KLHL4: variants seen among roughly 807,000 people sequenced by gnomAD.
KLHL4 encodes kelch like family member 4, also known as kelch-like protein 4.
KLHL4 carries 17 observed loss-of-function variants against 45.8 expected under a neutral mutation model. That is an observed-to-expected ratio of 0.37 (90% CI 0.25 to 0.56). KLHL4 has a LOEUF of 0.56. Ranked by LOEUF, KLHL4 falls within the 20% of genes least tolerant of loss-of-function variation. The pLI, the probability that KLHL4 is intolerant of heterozygous loss-of-function variation, is 0.79. For missense variants in KLHL4, 544 were observed against 544.9 expected, an observed-to-expected ratio of 1.00 and a Z score of 0.02; for synonymous variants, 224 against 189.9, an observed-to-expected ratio of 1.18 and a Z score of -1.47.
chrX:87,659,250 G>T (rs1195526892), intron 9 of KLHL4, among the ~76,000 whole-genome samples: 2 of 101,491 alleles, frequency 2.0e-5, no homozygotes, highest in Non-Finnish European at 4.0e-5. Flanking sequence ...CTCCTGAGTA[G>T]CTGGGACTAC....
chrX:87,527,637 C>T lies in KLHL4; in HGVS notation c.422+9322C>T, dbSNP rs1931138554. On this transcript the variant is annotated intron_variant, in intron 1 of 10. Coordinates refer to ENST00000373119, the MANE Select transcript of KLHL4 (RefSeq NM_019117.5). ...TTCCAACCCCCTGGAGAGCTTTCCACCCCCACACATCCAGCATAAAAACCA... is the reference window on the plus strand; with the variant it reads ...TTCCAACCCCCTGGAGAGCTTTCCATCCCCACACATCCAGCATAAAAACCA... Among the ~76,000 whole-genome samples the T allele has an allele frequency of 5.5e-5, 6 of 109,962 alleles. No individual in the cohort carries two copies. The South Asian group carries it at 2.4e-3, about 43-fold the overall frequency.
intron 1 of KLHL4, among the ~76,000 whole-genome samples, chrX:87,542,023 G>C (rs1479636487): frequency 9.8e-5 from 11 of 112,063 alleles, no homozygotes; most frequent in Non-Finnish European, 2.1e-4. Context: ...GCATTTTGCT[G>C]TTGCCCTAGA....
intron 1 of KLHL4, among the ~76,000 whole-genome samples, chrX:87,542,968 A>T (rs1931595057): frequency 9.0e-6 from 1 of 111,287 alleles, no homozygotes; most frequent in Admixed American, 9.6e-5. Context: ...GTGGGAGGTG[A>T]CTTGATCATG....
At chrX:87,586,871 A>G (rs1921492456) in intron 1 of KLHL4, among the ~76,000 whole-genome samples, 1 of 110,655 alleles carries the variant, frequency 9.0e-6, no homozygotes, top group Non-Finnish European at 1.9e-5. Flanking sequence ...AAAATTGACA[A>G]ACTTTTAGCC....
At position 87,614,471 on chromosome X, in the gene KLHL4, A is replaced by C; in HGVS notation, c.628A>C (p.Met210Leu). The C allele has an allele frequency of 8.3e-7, 1 of 1,208,080 alleles. No homozygotes were observed. Among genetic ancestry groups the C allele is most frequent in the Non-Finnish European group, 1.1e-6 (1 of 892,838 alleles). Residue 210 changes from methionine to leucine, a missense_variant, in exon 3 of 11, where the codon ATG becomes CTG. Transcript: ENST00000373119. ...CGCAGTGTCTGATTATTTTGCTGCA[A>C]TGTTTACTAATGATGTGCTTGAAGC... ...LSAVSDYFAA[M>L]FTNDVLEAKQ...
At chrX:87,641,359 G>A (rs1463637780) in intron 9 of KLHL4, among the ~76,000 whole-genome samples, 5 of 112,059 alleles carry the variant, frequency 4.5e-5, no homozygotes, top group Admixed American at 1.9e-4. Context: ...GTGAAATACA[G>A]GGGTAGAGGA....
intron 1 of KLHL4, among the ~76,000 whole-genome samples, chrX:87,597,977 GTTT>G (rs34598007): frequency 9.9e-6 from 1 of 101,297 alleles, no homozygotes; most frequent in Non-Finnish European, 2.0e-5. Context: ...AAAAAGCAGT[GTTT>G]TTTTTTTTTA....
intron 1 of KLHL4, among the ~76,000 whole-genome samples, chrX:87,531,210 G>T (rs1602401299): frequency 9.1e-6 from 1 of 110,177 alleles, no homozygotes; most frequent in Admixed American, 9.7e-5. Flanking sequence ...CTCCCATTTT[G>T]TAGGTTGCCT....
intron 1 of KLHL4, among the ~76,000 whole-genome samples, chrX:87,543,058 AT>A (rs1931596528): frequency 9.0e-6 from 1 of 110,866 alleles, no homozygotes; most frequent in African/African-American, 3.3e-5. Context: ...TTTCCCCTGC[AT>A]TCTCTCTCTC....
At chrX:87,609,088 C>A (rs983072035) in intron 1 of KLHL4, among the ~76,000 whole-genome samples, 1 of 111,703 alleles carries the variant, frequency 9.0e-6, no homozygotes, top group Non-Finnish European at 1.9e-5. Flanking sequence ...AGGACATGAA[C>A]TTATCCTTTT....
At chrX:87,659,891 T>A (rs1333295794) in intron 9 of KLHL4, among the ~76,000 whole-genome samples, 1 of 110,868 alleles carries the variant, frequency 9.0e-6, no homozygotes, top group Non-Finnish European at 1.9e-5. Flanking sequence ...CAGCTCAGTA[T>A]AAAGGCTTGA....
At chrX:87,653,498 GA>G (rs2147837814) in intron 9 of KLHL4, among the ~76,000 whole-genome samples, 1 of 111,914 alleles carries the variant, frequency 8.9e-6, no homozygotes, top group Non-Finnish European at 1.9e-5. Context: ...GTGAGGTTCT[GA>G]AGAAATAGGA....
intron 9 of KLHL4, among the ~76,000 whole-genome samples, chrX:87,652,268 G>A (rs1357638897): frequency 8.9e-6 from 1 of 112,382 alleles, no homozygotes; most frequent in Non-Finnish European, 1.9e-5. Context: ...ATGCCCTAGA[G>A]ACATTTTCCC....
chrX:87,561,518 C>T (rs1161438666), intron 1 of KLHL4, among the ~76,000 whole-genome samples: 1 of 111,394 alleles, frequency 9.0e-6, no homozygotes, highest in African/African-American at 3.3e-5. Flanking sequence ...TATGGCTAGC[C>T]CCAGCATTGC....
At chrX:87,530,113 G>A (rs1423265671) in intron 1 of KLHL4, among the ~76,000 whole-genome samples, 1 of 110,842 alleles carries the variant, frequency 9.0e-6, no homozygotes, top group African/African-American at 3.3e-5. Context: ...CTGTGCAGAA[G>A]CTCTTTAGTT....
At chrX:87,524,774 A>G (rs1432721426) in intron 1 of KLHL4, among the ~76,000 whole-genome samples, 1 of 112,315 alleles carries the variant, frequency 8.9e-6, no homozygotes, top group Non-Finnish European at 1.9e-5. Context: ...TAACATATTT[A>G]CGATACTAAC....
chrX:87,538,405 T>C (rs1011739581), intron 1 of KLHL4, among the ~76,000 whole-genome samples: 1 of 112,106 alleles, frequency 8.9e-6, no homozygotes, highest in African/African-American at 3.2e-5. Context: ...AAAGCTATTA[T>C]AATTATTCCA....
intron 1 of KLHL4, among the ~76,000 whole-genome samples, chrX:87,605,839 C>A (rs1472052075): frequency 4.5e-5 from 5 of 111,291 alleles, no homozygotes; most frequent in African/African-American, 1.6e-4. Flanking sequence ...TCCCAATTCA[C>A]TAGTTTGCAT....
intron 1 of KLHL4, among the ~76,000 whole-genome samples, chrX:87,568,378 C>A (rs867771119): frequency 4.2e-4 from 26 of 62,265 alleles, no homozygotes; most frequent in Non-Finnish European, 6.4e-4. Flanking sequence ...TTTTCTTTTT[C>A]TTTTCTTTTT....
Sources: gnomAD v4.1 joint callset for allele counts (sites outside exome capture counted in the v4.1 genomes callset) on GRCh38, gnomAD v4.1.1 for gene constraint, MANE v1.5 for transcripts, NCBI Gene and HGNC (gene_info 2026-07-23, HGNC 2026-07-21) for gene names.